The following RPS6KA6 variants were observed in gnomAD, a reference collection of about 807,000 sequenced individuals.
RPS6KA6 encodes the protein ribosomal protein S6 kinase alpha-6.
Under a neutral mutation model 65.4 loss-of-function variants are expected in RPS6KA6, and 27 were observed. The observed-to-expected ratio is 0.41, with a 90% CI of 0.30 to 0.57. RPS6KA6 has a LOEUF of 0.57. Ranked by LOEUF, RPS6KA6 falls within the 20% of genes least tolerant of loss-of-function variation. The probability of loss-of-function intolerance (pLI) is 0.24; values close to 1 mark genes in which losing one functional copy is unlikely to be tolerated. For synonymous variants in RPS6KA6, 190 were observed against 184.2 expected (o/e 1.03, Z -0.26); for missense variants, 486 against 555.6 (o/e 0.87, Z 1.26).
chrX:84,167,355 C>T (rs2035613739), intron 1 of RPS6KA6, among the ~76,000 whole-genome samples: 2 of 111,794 alleles, frequency 1.8e-5, no homozygotes, highest in African/African-American at 6.5e-5. Context: ...TTTTACTCAT[C>T]AATAAAAAGA....
intron 20 of RPS6KA6, among the ~76,000 whole-genome samples, chrX:84,085,135 A>G (rs2033889910): frequency 9.0e-6 from 1 of 111,639 alleles, no homozygotes; most frequent in Non-Finnish European, 1.9e-5. Context: ...ATATAAGATC[A>G]AGTCATCTGC....
chrX:84,180,610 G>A (rs2035837000), intron 1 of RPS6KA6, among the ~76,000 whole-genome samples: 1 of 111,100 alleles, frequency 9.0e-6, no homozygotes, highest in African/African-American at 3.3e-5. Flanking sequence ...GAGCTTCTAG[G>A]TCTTGTACTT....
chrX:84,143,516 C>T (rs1289670923), intron 6 of RPS6KA6, among the ~76,000 whole-genome samples: 2 of 110,921 alleles, frequency 1.8e-5, no homozygotes, highest in African/African-American at 6.5e-5. Flanking sequence ...ACACTGAAAA[C>T]AATACTGCGA....
intron 18 of RPS6KA6, among the ~76,000 whole-genome samples, chrX:84,100,422 G>A (rs1251915002): frequency 9.0e-6 from 1 of 111,034 alleles, no homozygotes; most frequent in African/African-American, 3.3e-5. Flanking sequence ...TTTAATGTCT[G>A]TTGTTGATAT....
At chrX:84,175,867 C>A (rs1270191643) in intron 1 of RPS6KA6, among the ~76,000 whole-genome samples, 1 of 110,865 alleles carries the variant, frequency 9.0e-6, no homozygotes, top group Non-Finnish European at 1.9e-5. Context: ...AGAGCAATAA[C>A]CAAATGAACC....
At chrX:84,082,801 C>T (rs970629748) in intron 20 of RPS6KA6, among the ~76,000 whole-genome samples, 8 of 111,186 alleles carry the variant, frequency 7.2e-5, no homozygotes, top group African/African-American at 2.6e-4. Context: ...CACACATCTA[C>T]GACCATCTGG....
intron 8 of RPS6KA6, 109 bp from the exon 9 acceptor site, chrX:84,120,136 T>C (rs1457747549): frequency 6.0e-6 from 3 of 501,072 alleles, no homozygotes; most frequent in Non-Finnish European, 9.0e-6. Flanking sequence ...ATGGATGGCC[T>C]ACAGTTACTC....
chrX:84,073,465 G>C (rs964734277), intron 20 of RPS6KA6, among the ~76,000 whole-genome samples: 3 of 111,204 alleles, frequency 2.7e-5, no homozygotes, highest in African/African-American at 9.8e-5. Context: ...ACGTTGGTTT[G>C]GATAAGAATT....
intron 1 of RPS6KA6, among the ~76,000 whole-genome samples, chrX:84,167,810 G>A (rs1397207226): frequency 9.0e-6 from 1 of 110,799 alleles, no homozygotes; most frequent in Non-Finnish European, 1.9e-5. Context: ...GTGTGCTGGG[G>A]AGGGTGGGTC....
At position 84,096,353 on chromosome X, in the gene RPS6KA6, T is replaced by C. The variant is rs747444795; in HGVS notation, c.1854-42A>G. ...TTTTAATAGACACTAGAGGGTAACA[T>C]ACCCAAACAATGAAAGAGATACATA... On this transcript the variant is annotated intron_variant, in intron 19 of 21. Transcript: ENST00000262752. 4 of 614,089 alleles carry C rather than the reference T, an allele frequency of 6.5e-6. No individual in the cohort carries two copies. The Admixed American group carries it at 1.5e-4, about 23-fold the overall frequency. 50.6% of individuals were successfully genotyped at this position (614,089 alleles called of 1,213,427 possible).
In RPS6KA6 at chrX:84,072,421, C is replaced by T. The variant is rs777426992; in HGVS notation, c.1972-7310G>A. 1.6e-4 allele frequency among the ~76,000 whole-genome samples: 18 copies of T among 111,381 alleles called. No homozygotes were observed. The South Asian group carries it at 2.2e-3, about 14-fold the overall frequency. Reference sequence around the variant, plus strand: ...ACATACCTCAACTTAATAAAGGTCACGTATGACAAACCCACAACTAATATC... The same window carrying T: ...ACATACCTCAACTTAATAAAGGTCATGTATGACAAACCCACAACTAATATC... On this transcript the variant is annotated intron_variant, in intron 20 of 21. Coordinates refer to ENST00000262752, the MANE Select transcript of RPS6KA6 (RefSeq NM_014496.5).
rs1602362613 is a variant in RPS6KA6, at chrX:84,064,107, T to C, written c.*170A>G. On this transcript the variant is annotated 3_prime_UTR_variant, in exon 22 of 22. Coordinates refer to ENST00000262752, the MANE Select transcript of RPS6KA6 (RefSeq NM_014496.5). ...CTACTGCAAACACATAGTATGAATATTGTGGACCTGTGAATGGTTTTTTAA... is the reference window on the plus strand; with the variant it reads ...CTACTGCAAACACATAGTATGAATACTGTGGACCTGTGAATGGTTTTTTAA... 9 of 506,497 alleles carry C rather than the reference T, an allele frequency of 1.8e-5. No homozygotes were observed. The highest frequency in any genetic ancestry group is 1.4e-4 in the African/African-American group (6 of 41,838). The allele number at this position is 506,497 out of a possible 1,213,427, so 41.7% of individuals were successfully genotyped here.
chrX:84,112,976 G>A (rs936842907), intron 12 of RPS6KA6, among the ~76,000 whole-genome samples: 1 of 111,312 alleles, frequency 9.0e-6, no homozygotes, highest in African/African-American at 3.3e-5. Context: ...ATTGAAAAGG[G>A]CACACATTGC....
intron 3 of RPS6KA6, among the ~76,000 whole-genome samples, chrX:84,151,014 TAG>T (rs201394251): frequency 1.1e-4 from 7 of 65,735 alleles, no homozygotes; most frequent in Non-Finnish European, 1.2e-4. Flanking sequence ...AGAGGATATA[TAG>T]AGAGAGGATA....
chrX:84,095,317 G>A (rs1358257162), intron 20 of RPS6KA6, among the ~76,000 whole-genome samples: 3 of 111,799 alleles, frequency 2.7e-5, no homozygotes, highest in Non-Finnish European at 5.6e-5. Context: ...TAGCTTAAAA[G>A]CTTCTGGGAC....
rs1211688755 is a variant in RPS6KA6 at position 84,096,331 on chromosome X, T to C, written c.1854-20A>G. ...GTGTAGCTATTAATAAAATAGATTT[T>C]AATAGACACTAGAGGGTAACATACC... On this transcript the variant is annotated intron_variant, in intron 19 of 21. Transcript: ENST00000262752. 4 of 840,290 alleles carry C rather than the reference T, an allele frequency of 4.8e-6. No homozygotes were observed. In the Admixed American group the frequency reaches 9.0e-5, roughly 19 times the overall value. The allele number at this position is 840,290 out of a possible 1,213,427, so 69.2% of individuals were successfully genotyped here. A position where few individuals can be genotyped will look rare whatever the true frequency, so the allele number is the denominator to read the frequency against.
At position 84,187,840 on chromosome X, in the gene RPS6KA6, G is replaced by A; in HGVS notation, c.60C>T (p.Gly20=). The A allele has an allele frequency of 1.7e-6, 2 of 1,205,582 alleles. No individual in the cohort carries two copies. The highest frequency in any genetic ancestry group is 2.2e-6 in the Non-Finnish European group (2 of 892,651). ...TAACCTCGCCGCTGCTCGCGCCGCCGCCGCTGAACACTTCCATTTCTCGGT... is the reference window on the plus strand; with the variant it reads ...TAACCTCGCCGCTGCTCGCGCCGCCACCGCTGAACACTTCCATTTCTCGGT... ...PWDREMEVFS[G]GGASSGEVNG... Residue 20 remains glycine, a synonymous_variant, in exon 1 of 22, where the codon GGC becomes GGT. Transcript: ENST00000262752.
At position 84,110,993 on chromosome X, in the gene RPS6KA6, T is replaced by TAA. The variant is rs2034459107; in HGVS notation, c.1009-3269_1009-3268insTT. Among the ~76,000 whole-genome samples, 6 of 101,414 alleles carry TAA rather than the reference T, an allele frequency of 5.9e-5. No individual in the cohort carries two copies. In the South Asian group the frequency reaches 1.7e-3, roughly 29 times the overall value. The allele number at this position is 101,414 out of a possible 115,157, so 88.1% of individuals were successfully genotyped here. A position where few individuals can be genotyped will look rare whatever the true frequency, so the allele number is the denominator to read the frequency against. Reference sequence around the variant, plus strand: ...ATTCAGGAGATAAAAGATAAATAAATATATATATATATATATATTTAAATT... The same window carrying TAA: ...ATTCAGGAGATAAAAGATAAATAAATAAATATATATATATATATATTTAAATT... On this transcript the variant is annotated intron_variant, in intron 12 of 21. Coordinates refer to ENST00000262752, the MANE Select transcript of RPS6KA6 (RefSeq NM_014496.5).
rs1302253757 is a variant in RPS6KA6 at position 84,119,966 on chromosome X, T to C, written c.708A>G (p.Thr236=). 8.4e-7 allele frequency: 1 copy of C among 1,196,109 alleles called. No individual in the cohort carries two copies. Among genetic ancestry groups the C allele is most frequent in the South Asian group, 1.8e-5 (1 of 54,442 alleles). The change falls in exon 9 of 22, where the codon ACA becomes ACG. Residue 236 remains threonine, a synonymous_variant. Transcript: ENST00000262752. ...CTACTTCAGGAGCCATATACTCTAC[T>C]GTACCACAAAATGAGTAAGCCTTCT... ...QEKKAYSFCG[T]VEYMAPEVVN... is the part of the protein sequence containing the mutation.
Sources: allele counts gnomAD v4.1 joint callset (sites outside exome capture counted in the v4.1 genomes callset), GRCh38; gene constraint gnomAD v4.1.1; transcripts MANE v1.5; gene names NCBI Gene and HGNC (gene_info 2026-07-23, HGNC 2026-07-21).